The following KDM4B variants were observed in gnomAD, a reference collection of about 807,000 sequenced individuals.
The protein encoded by KDM4B is lysine demethylase 4B.
A neutral mutation model predicts 125.2 loss-of-function variants in KDM4B; 32 were observed. That is an observed-to-expected ratio of 0.26 (90% CI 0.19 to 0.34). The LOEUF is 0.34. Among genes scored for constraint, KDM4B ranks in the 10% least tolerant of loss-of-function variants. KDM4B has a pLI of 1.00. For missense variants in KDM4B, 1,190 were observed against 1,577.7 expected, an observed-to-expected ratio of 0.75 and a Z score of 4.16; for synonymous variants, 721 against 677.9, an observed-to-expected ratio of 1.06 and a Z score of -0.99.
At chr19:5,017,506 T>C (rs1027400675) in intron 2 of KDM4B, among the ~76,000 whole-genome samples, 9 of 152,178 alleles carry the variant, frequency 5.9e-5, no homozygotes, top group Non-Finnish European at 2.9e-5. Flanking sequence ...CGCCTCCTCT[T>C]GTCCAGGTTA....
intron 11 of KDM4B, among the ~76,000 whole-genome samples, chr19:5,121,936 G>A (rs369383108): frequency 6.6e-6 from 1 of 152,074 alleles, no homozygotes; most frequent in Non-Finnish European, 1.5e-5. Flanking sequence ...CTAGGAATAG[G>A]AATCCCGGAG....
At chr19:5,127,343 G>A (rs1399812417) in intron 11 of KDM4B, among the ~76,000 whole-genome samples, 1 of 152,196 alleles carries the variant, frequency 6.6e-6, no homozygotes, top group Non-Finnish European at 1.5e-5. Context: ...ATGGCTGCGG[G>A]GTGTGCCGCC....
At chr19:5,101,934 A>G (rs917474321) in intron 9 of KDM4B, among the ~76,000 whole-genome samples, 3 of 152,128 alleles carry the variant, frequency 2.0e-5, no homozygotes, top group Non-Finnish European at 4.4e-5. Flanking sequence ...TCCCCAGCCC[A>G]GACACCCACC....
intron 2 of KDM4B, among the ~76,000 whole-genome samples, chr19:5,017,626 C>T (rs371046147): frequency 5.3e-5 from 8 of 152,220 alleles, no homozygotes; most frequent in African/African-American, 1.9e-4. Context: ...CAAGTTTGTG[C>T]TTCCTTACAA....
chr19:5,104,979 C>G (rs566712628), intron 9 of KDM4B, among the ~76,000 whole-genome samples: 2 of 152,320 alleles, frequency 1.3e-5, no homozygotes, highest in South Asian at 4.1e-4. Flanking sequence ...GAGTTTGGAG[C>G]TGGGTCAGGT....
intron 1 of KDM4B, among the ~76,000 whole-genome samples, chr19:5,004,309 G>A (rs1340610290): frequency 6.6e-6 from 1 of 152,194 alleles, no homozygotes; most frequent in Admixed American, 6.5e-5. Context: ...TCGGCTCCCA[G>A]CTCTTGCCCT....
chr19:5,093,286 G>T (rs2038748604), intron 9 of KDM4B, among the ~76,000 whole-genome samples: 1 of 152,224 alleles, frequency 6.6e-6, no homozygotes, highest in Admixed American at 6.5e-5. Flanking sequence ...GGCCAAAGGG[G>T]ACATCGGAGC....
In KDM4B at chr19:5,035,638, A is replaced by G. The variant is rs1200892880; in HGVS notation, c.141+2607A>G. ...CAGGTTTCTGCACTCCCCCCAGGCC[A>G]GTTCCCCCGAGATTCTTGGCACCGG... On this transcript the variant is annotated intron_variant, in intron 3 of 22. Coordinates refer to ENST00000159111, the MANE Select transcript of KDM4B (RefSeq NM_015015.3). This position sits in a 1 kb window ranked among gnomAD's most constrained non-coding sequence, Gnocchi z 5.3. Among the ~76,000 whole-genome samples, 1 of 151,578 alleles carries G rather than the reference A, an allele frequency of 6.6e-6. No individual in the cohort carries two copies. Among genetic ancestry groups the G allele is most frequent in the African/African-American group, 2.4e-5 (1 of 41,194 alleles).
chr19:5,112,282 AC>A (rs2039164077), intron 10 of KDM4B: 3 of 163,508 alleles, frequency 1.8e-5, no homozygotes, highest in African/African-American at 7.2e-5. Context: ...AAACAAAAAA[AC>A]ATGTAAACAC....
chr19:5,048,366 C>T (rs1256652539), intron 6 of KDM4B, among the ~76,000 whole-genome samples: 1 of 152,210 alleles, frequency 6.6e-6, no homozygotes, highest in African/African-American at 2.4e-5. Context: ...GTGTGTGTGC[C>T]CCTGTGTCAC....
At chr19:5,042,814 C>A (rs1256269620) in intron 5 of KDM4B, among the ~76,000 whole-genome samples, 2 of 151,622 alleles carry the variant, frequency 1.3e-5, no homozygotes, top group Admixed American at 1.3e-4. Flanking sequence ...CCACCTCCCA[C>A]CCGGCCCCAC....
At chr19:5,020,159 G>T (rs2036063372) in intron 2 of KDM4B, among the ~76,000 whole-genome samples, 2 of 147,918 alleles carry the variant, frequency 1.4e-5, no homozygotes, top group Non-Finnish European at 3.0e-5. Flanking sequence ...GCAGGTGTTG[G>T]TGTGGATGTT....
intron 2 of KDM4B, among the ~76,000 whole-genome samples, chr19:5,030,122 A>G (rs896966821): frequency 6.6e-6 from 1 of 151,774 alleles, no homozygotes; most frequent in Non-Finnish European, 1.5e-5. Context: ...TTATTTATCT[A>G]TTTTTTGAGA....
chr19:5,086,652 C>A lies in KDM4B; in HGVS notation c.918+4148C>A, dbSNP rs2620800. ...CGCAGGACAGCCACCTCCTCCCCCC[C>A]CCAGCCCCCAGGGCCTCTGTGGGCA... On this transcript the variant is annotated intron_variant, in intron 9 of 22. Coordinates refer to ENST00000159111, the MANE Select transcript of KDM4B (RefSeq NM_015015.3). Among the ~76,000 whole-genome samples the A allele has an allele frequency of 5.3e-4, 81 of 152,314 alleles. 1 individual carries two copies. In the East Asian group the frequency reaches 6.2e-3, roughly 12 times the overall value.
Position 5,108,175 on chromosome 19 carries a change from T to C in KDM4B, c.919-2447T>C, listed in dbSNP as rs935533394. On this transcript the variant is annotated intron_variant, in intron 9 of 22. Coordinates refer to ENST00000159111, the MANE Select transcript of KDM4B (RefSeq NM_015015.3). ...GGGTGCACACAGGTGCTTTTTTTAA[T>C]TAAGGAAAAGCAATTGCAAAGCCGC... 2.6e-5 allele frequency among the ~76,000 whole-genome samples: 4 copies of C among 152,320 alleles called. No homozygotes were observed. In the South Asian group the frequency reaches 8.3e-4, roughly 32 times the overall value.
chr19:5,015,859 G>T (rs772738253), intron 1 of KDM4B, among the ~76,000 whole-genome samples: 8 of 152,170 alleles, frequency 5.3e-5, no homozygotes, highest in Non-Finnish European at 8.8e-5. Context: ...CCCGTGCTCT[G>T]CCTCTTGGTG....
At chr19:5,058,876 G>A (rs766929929) in intron 6 of KDM4B, among the ~76,000 whole-genome samples, 2 of 152,240 alleles carry the variant, frequency 1.3e-5, no homozygotes, top group Non-Finnish European at 2.9e-5. Context: ...GGCATGCCAG[G>A]CGAGTCACCG....
intron 5 of KDM4B, chr19:5,047,160 G>T: frequency 3.8e-6 from 1 of 263,262 alleles, no homozygotes; most frequent in Non-Finnish European, 7.3e-6. Flanking sequence ...AGCCAGGTGT[G>T]GTTTCTCACG....
At chr19:5,105,988 G>A (rs1246477976) in intron 9 of KDM4B, among the ~76,000 whole-genome samples, 5 of 152,246 alleles carry the variant, frequency 3.3e-5, no homozygotes, top group African/African-American at 7.2e-5. Context: ...AAGTAGCGCA[G>A]AAGTGTTTAC....
Sources: allele counts gnomAD v4.1 joint callset (sites outside exome capture counted in the v4.1 genomes callset), GRCh38; gene constraint gnomAD v4.1.1; non-coding constraint Gnocchi (gnomAD v3.1); transcripts MANE v1.5; gene names NCBI Gene and HGNC (gene_info 2026-07-23, HGNC 2026-07-21).